The following PPP1R9A variants were observed in gnomAD, a reference collection of about 807,000 sequenced individuals.
PPP1R9A encodes protein phosphatase 1 regulatory subunit 9A, also known as neurabin-1.
In PPP1R9A, 59 loss-of-function variants were observed where a neutral mutation model predicts 141.9. That is an observed-to-expected ratio of 0.42 (90% CI 0.34 to 0.52). The LOEUF is 0.52. Among genes scored for constraint, PPP1R9A ranks in the 20% least tolerant of loss-of-function variants. The pLI, the probability that PPP1R9A is intolerant of heterozygous loss-of-function variation, is 0.10. For synonymous variants in PPP1R9A, 500 were observed against 569.7 expected, an observed-to-expected ratio of 0.88 and a Z score of 1.74; for missense variants, 1,444 against 1,611.9, an observed-to-expected ratio of 0.90 and a Z score of 1.78.
intron 5 of PPP1R9A, among the ~76,000 whole-genome samples, chr7:95,173,170 A>C (rs1832387461): frequency 6.6e-6 from 1 of 151,946 alleles, no homozygotes; most frequent in African/African-American, 2.4e-5. Context: ...ATAACTCAGG[A>C]ATAGAAAATC....
At chr7:95,084,192 T>C (rs1296749110) in intron 2 of PPP1R9A, among the ~76,000 whole-genome samples, 1 of 152,054 alleles carries the variant, frequency 6.6e-6, no homozygotes, top group African/African-American at 2.4e-5. Context: ...ATGCCCATGT[T>C]GAAAGAAAAG....
chr7:95,005,677 G>T (rs1803494276), intron 2 of PPP1R9A, among the ~76,000 whole-genome samples: 1 of 152,088 alleles, frequency 6.6e-6, no homozygotes, highest in Admixed American at 6.5e-5. Flanking sequence ...ATATATACTA[G>T]CATCTGGTTA....
intron 5 of PPP1R9A, among the ~76,000 whole-genome samples, chr7:95,162,720 A>G (rs897594143): frequency 1.3e-5 from 2 of 152,250 alleles, no homozygotes; most frequent in African/African-American, 2.4e-5. Flanking sequence ...TGTTCTCATT[A>G]TCAAAATGAA....
intron 4 of PPP1R9A, among the ~76,000 whole-genome samples, chr7:95,137,440 A>AAAAAAAAAAAAAAAAAAT: frequency 6.9e-6 from 1 of 144,790 alleles, no homozygotes; most frequent in African/African-American, 2.5e-5. Context: ...AAAAAAAAAG[A>AAAAAAAAAAAAAAAAAAT]TGCAAGTCTT....
At chr7:95,270,776 T>A in intron 14 of PPP1R9A, among the ~76,000 whole-genome samples, 1 of 152,162 alleles carries the variant, frequency 6.6e-6, no homozygotes, top group East Asian at 1.9e-4. Flanking sequence ...TTATTCTAAT[T>A]TTTTGTGTGG....
At chr7:95,267,482 C>T (rs1425014413) in intron 12 of PPP1R9A, among the ~76,000 whole-genome samples, 1 of 152,024 alleles carries the variant, frequency 6.6e-6, no homozygotes, top group African/African-American at 2.4e-5. Context: ...AAATAAGTTC[C>T]ACCAGAGAGT....
intron 2 of PPP1R9A, among the ~76,000 whole-genome samples, chr7:94,990,601 T>C (rs1801387096): frequency 6.6e-6 from 1 of 152,176 alleles, no homozygotes; most frequent in Non-Finnish European, 1.5e-5. Context: ...TATGTATTAT[T>C]GTTAAATGTA....
At chr7:95,223,004 G>A (rs1264171889) in intron 7 of PPP1R9A, among the ~76,000 whole-genome samples, 2 of 151,936 alleles carry the variant, frequency 1.3e-5, no homozygotes, top group African/African-American at 4.8e-5. Context: ...TCATCCTAAA[G>A]CCTATTTAAG....
At chr7:95,260,981 C>T (rs1485335271) in intron 12 of PPP1R9A, among the ~76,000 whole-genome samples, 1 of 152,046 alleles carries the variant, frequency 6.6e-6, no homozygotes. Flanking sequence ...GTCTGGTTCA[C>T]CTGGTTCACC....
At chr7:95,196,842 G>A (rs1045683179) in intron 5 of PPP1R9A, among the ~76,000 whole-genome samples, 6 of 152,090 alleles carry the variant, frequency 3.9e-5, no homozygotes, top group Middle Eastern at 3.4e-3. Context: ...GTAATTACGC[G>A]TTTACATATG....
intron 8 of PPP1R9A, among the ~76,000 whole-genome samples, chr7:95,243,509 G>GA (rs1202327878): frequency 1.3e-5 from 2 of 152,236 alleles, no homozygotes; most frequent in African/African-American, 4.8e-5. Flanking sequence ...GAGACTACCA[G>GA]AAGTGATCCA....
intron 3 of PPP1R9A, among the ~76,000 whole-genome samples, chr7:95,118,549 A>G (rs139577317): frequency 1.8e-3 from 271 of 152,290 alleles, no homozygotes; most frequent in Non-Finnish European, 3.1e-3. Context: ...CACTTTTGCC[A>G]AGTGACATCT....
At chr7:95,118,835 T>C (rs920885874) in intron 3 of PPP1R9A, among the ~76,000 whole-genome samples, 1 of 149,216 alleles carries the variant, frequency 6.7e-6, no homozygotes, top group African/African-American at 2.5e-5. Context: ...CACAAAAAAT[T>C]ACCCAGATGT....
intron 5 of PPP1R9A, among the ~76,000 whole-genome samples, chr7:95,196,792 G>C (rs912120145): frequency 9.2e-5 from 14 of 152,134 alleles, no homozygotes; most frequent in Admixed American, 7.9e-4. Flanking sequence ...TAAGGAAATA[G>C]TTTGGGTTGA....
chr7:95,015,274 A>G (rs1804952623), intron 2 of PPP1R9A, among the ~76,000 whole-genome samples: 1 of 151,944 alleles, frequency 6.6e-6, no homozygotes, highest in Non-Finnish European at 1.5e-5. Context: ...ATATACATAT[A>G]TATCTGTTTC....
chr7:95,210,841 T>C (rs1041936937), intron 7 of PPP1R9A, among the ~76,000 whole-genome samples: 3 of 152,146 alleles, frequency 2.0e-5, no homozygotes, highest in Admixed American at 6.5e-5. Context: ...GTTAATGTCC[T>C]TTGCAAGGAC....
chr7:95,278,340 A>G (rs1803575677), intron 16 of PPP1R9A, among the ~76,000 whole-genome samples: 1 of 152,178 alleles, frequency 6.6e-6, no homozygotes, highest in Non-Finnish European at 1.5e-5. Context: ...AGAACATAAA[A>G]TATCTTCATA....
intron 4 of PPP1R9A, among the ~76,000 whole-genome samples, chr7:95,136,400 T>G (rs6954378): frequency 0.61 from 92,889 of 151,966 alleles, 29,277 homozygotes; most frequent in African/African-American, 0.77. Flanking sequence ...AGACCAGCCT[T>G]GGCAACATAT....
rs184233366 is a variant in PPP1R9A, at chr7:94,970,023, G to A, written c.1395+58515G>A. Among the ~76,000 whole-genome samples the A allele has an allele frequency of 1.2e-4, 19 of 152,242 alleles. No individual in the cohort carries two copies. The East Asian group carries it at 3.3e-3, about 26-fold the overall frequency. On this transcript the variant is annotated intron_variant, in intron 2 of 19. Transcript: ENST00000433360. ...CCACCAAGCTGGGGTGTCCCAGGTCGACTTCATACTGCTGTGCTGGCAACG... is the reference window on the plus strand; with the variant it reads ...CCACCAAGCTGGGGTGTCCCAGGTCAACTTCATACTGCTGTGCTGGCAACG...
Sources: allele counts gnomAD v4.1 joint callset (sites outside exome capture counted in the v4.1 genomes callset), GRCh38; gene constraint gnomAD v4.1.1; transcripts MANE v1.5; gene names NCBI Gene and HGNC (gene_info 2026-07-23, HGNC 2026-07-21).